DRC11: variants seen among roughly 807,000 people sequenced by gnomAD.
DRC11 encodes the protein IQ and AAA domain-containing protein 1.
At chr2:236,407,184 C>T in the DRC11 span, among the ~76,000 whole-genome samples, 6 of 152,170 alleles carry the variant, frequency 3.9e-5, no homozygotes, top group African/African-American at 1.4e-4. Flanking sequence ...AAAAGAAATA[C>T]AAGAGATAGG....
At chr2:236,493,078 C>A in the DRC11 span, among the ~76,000 whole-genome samples, 17 of 152,298 alleles carry the variant, frequency 1.1e-4, no homozygotes, top group East Asian at 3.1e-3. Flanking sequence ...ACTCACAGTT[C>A]CATGTGGCTA....
the DRC11 span, among the ~76,000 whole-genome samples, chr2:236,398,756 G>A: frequency 6.6e-6 from 1 of 152,178 alleles, no homozygotes; most frequent in Non-Finnish European, 1.5e-5. The surrounding 1 kb of genome is among the most constrained non-coding windows in gnomAD (Gnocchi z 6.2). Flanking sequence ...GAAAAATCGT[G>A]TGTCAGAATT....
chr2:236,419,593 AC>A, the DRC11 span, among the ~76,000 whole-genome samples: 1 of 152,076 alleles, frequency 6.6e-6, no homozygotes, highest in Non-Finnish European at 1.5e-5. This position sits in a 1 kb window ranked among gnomAD's most constrained non-coding sequence, Gnocchi z 4.8. Flanking sequence ...AGCTTCCTCA[AC>A]GTCTCAGCAA....
the DRC11 span, among the ~76,000 whole-genome samples, chr2:236,440,867 T>C: frequency 1.4e-4 from 21 of 152,264 alleles, no homozygotes; most frequent in South Asian, 2.9e-3. Flanking sequence ...AAAAATGAAC[T>C]CATTTTGAAT....
At chr2:236,435,544 G>C in the DRC11 span, among the ~76,000 whole-genome samples, 1 of 152,158 alleles carries the variant, frequency 6.6e-6, no homozygotes, top group African/African-American at 2.4e-5. Context: ...GGGAGGCATC[G>C]GGAAACTTAC....
the DRC11 span, among the ~76,000 whole-genome samples, chr2:236,478,049 T>C: frequency 2.0e-5 from 3 of 151,536 alleles, no homozygotes; most frequent in Non-Finnish European, 4.4e-5. The surrounding 1 kb of genome is among the most constrained non-coding windows in gnomAD (Gnocchi z 5.9). Flanking sequence ...CTCAATTTCA[T>C]TTATTTCTGC....
the DRC11 span, chr2:236,324,588 C>T: frequency 1.4e-6 from 1 of 723,850 alleles, no homozygotes; most frequent in African/African-American, 1.8e-5. The surrounding 1 kb of genome is among the most constrained non-coding windows in gnomAD (Gnocchi z 5.7). Context: ...AATGGTGAAT[C>T]TTTTCTTTGG....
At chr2:236,353,234 C>A in the DRC11 span, among the ~76,000 whole-genome samples, 7 of 152,254 alleles carry the variant, frequency 4.6e-5, no homozygotes, top group South Asian at 2.1e-4. This position sits in a 1 kb window ranked among gnomAD's most constrained non-coding sequence, Gnocchi z 5.0. Context: ...ACGTCACCTG[C>A]CAGTAGAGGG....
chr2:236,373,050 A>G, the DRC11 span, among the ~76,000 whole-genome samples: 1 of 151,788 alleles, frequency 6.6e-6, no homozygotes, highest in African/African-American at 2.4e-5. Flanking sequence ...TTAATTTCTA[A>G]TTTTACTTTA....
the DRC11 span, among the ~76,000 whole-genome samples, chr2:236,355,234 G>A: frequency 1.3e-5 from 2 of 152,130 alleles, no homozygotes; most frequent in African/African-American, 4.8e-5. Flanking sequence ...CGCTAGTGAG[G>A]TGTCTGTCTG....
the DRC11 span, among the ~76,000 whole-genome samples, chr2:236,458,591 C>T: frequency 6.6e-6 from 1 of 152,196 alleles, no homozygotes; most frequent in Non-Finnish European, 1.5e-5. Context: ...ATTGGCATCA[C>T]CTCATTTGAC....
the DRC11 span, among the ~76,000 whole-genome samples, chr2:236,447,970 T>C: frequency 6.6e-6 from 1 of 152,196 alleles, no homozygotes; most frequent in Non-Finnish European, 1.5e-5. The surrounding 1 kb of genome is among the most constrained non-coding windows in gnomAD (Gnocchi z 4.6). Flanking sequence ...AGTTCGCAGA[T>C]AATCAAGTGG....
chr2:236,340,443 A>T, the DRC11 span, among the ~76,000 whole-genome samples: 2 of 152,178 alleles, frequency 1.3e-5, no homozygotes, highest in African/African-American at 2.4e-5. Context: ...TTGTGAGAAC[A>T]ATTTCTATAG....
At chr2:236,501,524 A>G in the DRC11 span, among the ~76,000 whole-genome samples, 1 of 152,146 alleles carries the variant, frequency 6.6e-6, no homozygotes, top group Non-Finnish European at 1.5e-5. Context: ...GACAAGCAGG[A>G]GGGGCTGGAA....
chr2:236,419,385 C>A, the DRC11 span: 1 of 1,416,344 alleles, frequency 7.1e-7, no homozygotes, highest in Non-Finnish European at 9.2e-7. This position sits in a 1 kb window ranked among gnomAD's most constrained non-coding sequence, Gnocchi z 4.8. Flanking sequence ...CTCTGCCTGG[C>A]CCTGGACCCT....
At chr2:236,340,438 A>C in the DRC11 span, among the ~76,000 whole-genome samples, 1 of 152,196 alleles carries the variant, frequency 6.6e-6, no homozygotes, top group Non-Finnish European at 1.5e-5. Context: ...GAACTTTGTG[A>C]GAACAATTTC....
At chr2:236,355,255 T>A in the DRC11 span, among the ~76,000 whole-genome samples, 1 of 152,244 alleles carries the variant, frequency 6.6e-6, no homozygotes, top group Admixed American at 6.5e-5. Flanking sequence ...TGTTCCTCAC[T>A]GTAGCACATG....
the DRC11 span, among the ~76,000 whole-genome samples, chr2:236,336,429 GCCACCACGGCCACCACCA>G: frequency 3.5e-5 from 2 of 57,576 alleles, no homozygotes; most frequent in African/African-American, 2.0e-4. This position sits in a 1 kb window ranked among gnomAD's most constrained non-coding sequence, Gnocchi z 7.3. Flanking sequence ...CACCACCACT[GCCACCACGGCCACCACCA>G]CTGCCACCAC....
the DRC11 span, among the ~76,000 whole-genome samples, chr2:236,399,148 C>G: frequency 6.6e-6 from 1 of 152,100 alleles, no homozygotes; most frequent in Non-Finnish European, 1.5e-5. The surrounding 1 kb of genome is among the most constrained non-coding windows in gnomAD (Gnocchi z 7.0). Flanking sequence ...CGCTGTTACG[C>G]CCAGCTAATT....
Sources: gnomAD v4.1 joint callset for allele counts (sites outside exome capture counted in the v4.1 genomes callset) on GRCh38, gnomAD v4.1.1 for gene constraint, Gnocchi (gnomAD v3.1) non-coding constraint, MANE v1.5 for transcripts, NCBI Gene and HGNC (gene_info 2026-07-23, HGNC 2026-07-21) for gene names.